The following ADAMTS16 variants were observed in gnomAD, a reference collection of about 807,000 sequenced individuals.
ADAMTS16 encodes A disintegrin and metalloproteinase with thrombospondin motifs 16.
ADAMTS16 carries 94 observed loss-of-function variants against 145.8 expected under a neutral mutation model. The ratio of observed to expected loss-of-function variants is 0.64; its 90% CI spans 0.55 to 0.77. The LOEUF (loss-of-function observed/expected upper bound fraction) is 0.77. Among genes scored for constraint, ADAMTS16 ranks in the 30% least tolerant of loss-of-function variants. The pLI is 0.00. For synonymous variants in ADAMTS16, 659 were observed against 604.3 expected (o/e 1.09, Z -1.33); for missense variants, 1,585 against 1,591.5 (o/e 1.00, Z 0.07).
At position 5,188,084 on chromosome 5, in the gene ADAMTS16, G is replaced by A. The variant is rs527277752; in HGVS notation, c.1047+276G>A. Among the ~76,000 whole-genome samples the A allele has an allele frequency of 1.2e-3, 179 of 152,178 alleles. 1 individual carries two copies. Among genetic ancestry groups the A allele is most frequent in the Non-Finnish European group, 2.1e-3 (141 of 68,016 alleles). Reference sequence around the variant, plus strand: ...AAAAGCTGCCTTCAGCATATAGGTGGGACACACACTAGGAATACACAGCAC... The same window carrying A: ...AAAAGCTGCCTTCAGCATATAGGTGAGACACACACTAGGAATACACAGCAC... On this transcript the variant is annotated intron_variant, in intron 6 of 22. Transcript: ENST00000274181.
intron 10 of ADAMTS16, among the ~76,000 whole-genome samples, chr5:5,218,835 A>G (rs1736509974): frequency 6.6e-6 from 1 of 152,138 alleles, no homozygotes; most frequent in South Asian, 2.1e-4. Context: ...CTTAGCATCC[A>G]GACATCCCTC....
intron 4 of ADAMTS16, among the ~76,000 whole-genome samples, chr5:5,183,824 G>GT (rs1735415007): frequency 6.6e-6 from 1 of 152,322 alleles, no homozygotes; most frequent in African/African-American, 2.4e-5. Context: ...CTTCAGAATT[G>GT]TAATAGTGGT....
chr5:5,187,684 T>A, intron 5 of ADAMTS16, 41 bp from the exon 6 acceptor site: 1 of 1,413,262 alleles, frequency 7.1e-7, no homozygotes, highest in Non-Finnish European at 1.0e-6. Context: ...GGGGGGAAAA[T>A]GCCATTTATG....
intron 18 of ADAMTS16, among the ~76,000 whole-genome samples, chr5:5,268,573 A>G (rs1290188299): frequency 6.6e-6 from 1 of 152,134 alleles, no homozygotes; most frequent in Admixed American, 6.5e-5. Flanking sequence ...TGCCATCAAC[A>G]ATAACTGCCC....
At chr5:5,259,188 G>A (rs559684973) in intron 17 of ADAMTS16, among the ~76,000 whole-genome samples, 20 of 152,258 alleles carry the variant, frequency 1.3e-4, no homozygotes, top group African/African-American at 4.3e-4. Context: ...TTGGGTTATC[G>A]TGCACAGCTA....
intron 10 of ADAMTS16, among the ~76,000 whole-genome samples, chr5:5,221,631 T>C (rs1736608551): frequency 6.6e-6 from 1 of 152,232 alleles, no homozygotes; most frequent in African/African-American, 2.4e-5. Context: ...ATCTGGTTTA[T>C]TAGTGAAGGA....
intron 8 of ADAMTS16, among the ~76,000 whole-genome samples, chr5:5,198,571 G>A (rs775646230): frequency 2.0e-5 from 3 of 152,090 alleles, no homozygotes; most frequent in Non-Finnish European, 4.4e-5. Context: ...TCCAGTCCTC[G>A]GTCTTGCTGT....
chr5:5,160,092 A>G (rs1734702618), intron 3 of ADAMTS16, among the ~76,000 whole-genome samples: 1 of 152,226 alleles, frequency 6.6e-6, no homozygotes, highest in Non-Finnish European at 1.5e-5. Context: ...TCTAGCTGAA[A>G]TGTACAAGTA....
At chr5:5,148,242 C>A (rs533910666) in intron 3 of ADAMTS16, among the ~76,000 whole-genome samples, 2 of 152,278 alleles carry the variant, frequency 1.3e-5, no homozygotes, top group African/African-American at 4.8e-5. Flanking sequence ...ACAAATGAGA[C>A]CTCAACCAGA....
intron 13 of ADAMTS16, 56 bp from the exon 14 acceptor site, chr5:5,236,913 T>A: frequency 6.5e-7 from 1 of 1,527,130 alleles, no homozygotes; most frequent in Non-Finnish European, 8.8e-7. Context: ...AGAGCAAAAA[T>A]GATCAGAGCT....
chr5:5,195,435 C>CA, intron 8 of ADAMTS16, among the ~76,000 whole-genome samples: 1 of 152,182 alleles, frequency 6.6e-6, no homozygotes, highest in East Asian at 1.9e-4. Context: ...CTCTGGGACT[C>CA]AGATTCCAGA....
intron 18 of ADAMTS16, among the ~76,000 whole-genome samples, chr5:5,300,335 A>C (rs1441808401): frequency 1.3e-5 from 2 of 152,128 alleles, no homozygotes; most frequent in East Asian, 3.9e-4. Context: ...GGAAGCCAAG[A>C]ATCAATTTTT....
chr5:5,146,068 A>G (rs1734283315), intron 2 of ADAMTS16, 62 bp from the exon 3 acceptor site: 16 of 1,423,694 alleles, frequency 1.1e-5, no homozygotes, highest in South Asian at 2.5e-5. Flanking sequence ...ATATCTTAAG[A>G]CTTCCTGATT....
At chr5:5,243,189 G>A (rs1560965543) in intron 17 of ADAMTS16, among the ~76,000 whole-genome samples, 1 of 152,206 alleles carries the variant, frequency 6.6e-6, no homozygotes, top group Non-Finnish European at 1.5e-5. Flanking sequence ...TTAACACTAT[G>A]TGCTTGACAT....
chr5:5,193,167 G>GTGCA (rs199618117), intron 8 of ADAMTS16, among the ~76,000 whole-genome samples: 1 of 144,628 alleles, frequency 6.9e-6, no homozygotes, highest in African/African-American at 2.7e-5. Flanking sequence ...GTGTGTGCGC[G>GTGCA]CGCGCACATA....
intron 17 of ADAMTS16, among the ~76,000 whole-genome samples, chr5:5,254,316 A>T (rs1040229177): frequency 4.6e-5 from 7 of 152,160 alleles, no homozygotes; most frequent in African/African-American, 1.7e-4. Flanking sequence ...TCCCGTTGTC[A>T]TAACTTTCAT....
intron 20 of ADAMTS16, among the ~76,000 whole-genome samples, chr5:5,304,945 A>G (rs1459100326): frequency 1.3e-5 from 2 of 150,372 alleles, no homozygotes; most frequent in Non-Finnish European, 3.0e-5. Flanking sequence ...AATTTAATAC[A>G]TGCACACACA....
At chr5:5,236,301 C>CGCCTT (rs1553993360) in intron 13 of ADAMTS16, among the ~76,000 whole-genome samples, 1 of 148,786 alleles carries the variant, frequency 6.7e-6, no homozygotes, top group African/African-American at 2.5e-5. Flanking sequence ...TGTCCCTCCC[C>CGCCTT]TTTTTTTTTT....
chr5:5,287,654 C>T (rs531806764), intron 18 of ADAMTS16, among the ~76,000 whole-genome samples: 1 of 152,218 alleles, frequency 6.6e-6, no homozygotes, highest in South Asian at 2.1e-4. Context: ...AGGCTCCGGG[C>T]GGGATATTGA....
Sources: allele counts gnomAD v4.1 joint callset (sites outside exome capture counted in the v4.1 genomes callset), GRCh38; gene constraint gnomAD v4.1.1; transcripts MANE v1.5; gene names NCBI Gene and HGNC (gene_info 2026-07-23, HGNC 2026-07-21).